KIF21A: variants seen among roughly 807,000 people sequenced by gnomAD.
KIF21A encodes the protein kinesin-like protein KIF21A.
KIF21A carries 114 observed loss-of-function variants against 202.9 expected under a neutral mutation model. That is an observed-to-expected ratio of 0.56 (90% CI 0.48 to 0.66). The LOEUF is 0.66. Ranked by LOEUF, KIF21A falls within the 30% of genes least tolerant of loss-of-function variation. The pLI, the probability that KIF21A is intolerant of heterozygous loss-of-function variation, is 0.00. For missense variants in KIF21A, 1,677 were observed against 1,994.9 expected (o/e 0.84, Z 3.04); for synonymous variants, 667 against 670.8 (o/e 0.99, Z 0.09).
chr12:39,389,496 TC>T (rs1343799715), intron 1 of KIF21A, among the ~76,000 whole-genome samples: 1 of 152,104 alleles, frequency 6.6e-6, no homozygotes, highest in Non-Finnish European at 1.5e-5. Flanking sequence ...AAATACAGGC[TC>T]CCATGCATCT....
intron 29 of KIF21A, 30 bp downstream of exon 29, chr12:39,318,043 T>C (rs772250485): frequency 6.2e-7 from 1 of 1,601,992 alleles, no homozygotes; most frequent in Non-Finnish European, 8.5e-7. Context: ...ATTATATAAA[T>C]AATTGGGGCT....
At chr12:39,416,655 A>ATGTGTATATATATATGTACATATATATG (rs1953655424) in intron 1 of KIF21A, among the ~76,000 whole-genome samples, 3 of 103,200 alleles carry the variant, frequency 2.9e-5, no homozygotes, top group East Asian at 3.0e-4. Context: ...GTACATATAT[A>ATGTGTATATATATATGTACATATATATG]TGTGTATATA....
At chr12:39,392,813 T>G (rs1951465801) in intron 1 of KIF21A, among the ~76,000 whole-genome samples, 1 of 147,716 alleles carries the variant, frequency 6.8e-6, no homozygotes, top group Non-Finnish European at 1.5e-5. Flanking sequence ...TGGGAAAATA[T>G]GTACTATTAA....
chr12:39,436,449 T>TATATATATATATATA (rs1491365902), intron 1 of KIF21A, among the ~76,000 whole-genome samples: 25 of 86,792 alleles, frequency 2.9e-4, no homozygotes, highest in African/African-American at 6.3e-4. Context: ...TATATATATA[T>TATATATATATATATA]TTTTTTTTTT....
intron 1 of KIF21A, among the ~76,000 whole-genome samples, chr12:39,418,540 T>A (rs1423142280): frequency 6.6e-6 from 1 of 152,144 alleles, no homozygotes; most frequent in Non-Finnish European, 1.5e-5. Flanking sequence ...AACATCCGAG[T>A]GTTTGGGAAA....
intron 37 of KIF21A, among the ~76,000 whole-genome samples, chr12:39,299,948 T>G (rs1942809046): frequency 6.6e-6 from 1 of 151,822 alleles, no homozygotes; most frequent in Non-Finnish European, 1.5e-5. Flanking sequence ...TGGGGCCTAT[T>G]TGAGGGTGGA....
intron 37 of KIF21A, among the ~76,000 whole-genome samples, chr12:39,299,670 T>C (rs1332014019): frequency 3.3e-5 from 5 of 152,178 alleles, no homozygotes; most frequent in Admixed American, 1.3e-4. Context: ...ATAACAGCAC[T>C]ATTCACAATA....
At chr12:39,347,250 G>T (rs891071001) in intron 11 of KIF21A, among the ~76,000 whole-genome samples, 1 of 151,342 alleles carries the variant, frequency 6.6e-6, no homozygotes, top group Non-Finnish European at 1.5e-5. Flanking sequence ...AAAAAAAGGG[G>T]GGTGGGGAGA....
intron 1 of KIF21A, among the ~76,000 whole-genome samples, chr12:39,427,108 AT>A (rs1240622444): frequency 6.6e-6 from 1 of 152,050 alleles, no homozygotes; most frequent in Non-Finnish European, 1.5e-5. Context: ...ATCATCTTGC[AT>A]TTCCCCATCA....
rs187278984 is a variant in KIF21A, at chr12:39,316,023, A to G, written c.3909-53T>C. 43 of 1,238,250 alleles carry G rather than the reference A, an allele frequency of 3.5e-5. No homozygotes were observed. The Admixed American group carries it at 5.2e-4, about 15-fold the overall frequency. The allele number at this position is 1,238,250 out of a possible 1,614,324, so 76.7% of individuals were successfully genotyped here. A position where few individuals can be genotyped will look rare whatever the true frequency, so the allele number is the denominator to read the frequency against. ...AGAAAGAATACAGATGTCAACAGGT[A>G]AGGACACTGACTTTGGACTCAAAAT... On this transcript the variant is annotated intron_variant, in intron 29 of 37. Coordinates refer to ENST00000361418, the MANE Select transcript of KIF21A (RefSeq NM_001173464.2).
rs144601000 is a variant in KIF21A at position 39,357,322 on chromosome 12, T to G, written c.1331A>C (p.Glu444Ala). Reference protein sequence around the residue: ...NLRVRIKAMQETVDALRSRIT... With the variant: ...NLRVRIKAMQATVDALRSRIT... ...TCTGGACCTCAATGCATCAACCGTC[T>G]CTTGCATGGCTTTAATTCTTACACG... The change falls in exon 9 of 38, where the codon GAG becomes GCG. Residue 444 changes from glutamate to alanine, a missense_variant. By Grantham distance (107) the Glu-to-Ala change is moderately radical (BLOSUM62 -1). Around this residue, in one of 3 missense-constraint regions of KIF21A, gnomAD observed 966 missense variants for 1,180.9 expected, o/e 0.82. Transcript: ENST00000361418. The G allele has an allele frequency of 3.1e-6, 5 of 1,613,998 alleles. No individual in the cohort carries two copies. In the African/African-American group the frequency reaches 4.0e-5, roughly 13 times the overall value.
intron 32 of KIF21A, 34 bp from the exon 33 acceptor site, chr12:39,309,800 T>C (rs769399515): frequency 1.9e-6 from 3 of 1,554,186 alleles, no homozygotes; most frequent in African/African-American, 1.4e-5. Context: ...GAAAACACCA[T>C]TAATATGAAC....
In KIF21A at chr12:39,329,488, TAAA is replaced by T. The variant is rs528439571; in HGVS notation, c.3340+751_3340+753del. ...GAAAGATGAAGAAGGGGGAGAAAGA[TAAA>T]GAAGAAGAGGAGGAGGAGAGAAAGA... On this transcript the variant is annotated intron_variant, in intron 24 of 37. Transcript: ENST00000361418. Among the ~76,000 whole-genome samples, 517 of 148,810 alleles carry T rather than the reference TAAA, an allele frequency of 3.5e-3. 4 individuals are homozygous for T. Among genetic ancestry groups the T allele is most frequent in the Non-Finnish European group, 5.3e-3 (354 of 67,134 alleles).
intron 4 of KIF21A, 79 bp downstream of exon 4, chr12:39,367,797 ATCTTGAT>A: frequency 9.7e-7 from 1 of 1,031,462 alleles, no homozygotes; most frequent in Admixed American, 1.9e-5. Flanking sequence ...TAAATTTCAT[ATCTTGAT>A]CTTAAGCAGA....
chr12:39,398,478 G>A (rs982993106), intron 1 of KIF21A, among the ~76,000 whole-genome samples: 2 of 152,132 alleles, frequency 1.3e-5, no homozygotes, highest in South Asian at 2.1e-4. Flanking sequence ...GCATGCGCCT[G>A]TAGTCCCAGC....
At chr12:39,313,415 A>G (rs1461235521) in intron 31 of KIF21A, among the ~76,000 whole-genome samples, 2 of 151,922 alleles carry the variant, frequency 1.3e-5, no homozygotes, top group Admixed American at 6.6e-5. Context: ...GTTAATGGAT[A>G]CCAATTTAAG....
intron 17 of KIF21A, among the ~76,000 whole-genome samples, chr12:39,336,708 T>C (rs1360946537): frequency 6.6e-6 from 1 of 152,170 alleles, no homozygotes; most frequent in Non-Finnish European, 1.5e-5. Context: ...TAAGGGCTGG[T>C]TGTTAACTCT....
intron 34 of KIF21A, among the ~76,000 whole-genome samples, chr12:39,305,763 G>T (rs575324506): frequency 6.6e-6 from 1 of 152,224 alleles, no homozygotes; most frequent in East Asian, 1.9e-4. Context: ...TATGTGATAG[G>T]CATAGGACTG....
At chr12:39,296,536 G>A (rs1175197345) in intron 37 of KIF21A, among the ~76,000 whole-genome samples, 1 of 152,188 alleles carries the variant, frequency 6.6e-6, no homozygotes, top group African/African-American at 2.4e-5. Context: ...GAAAAAAAAG[G>A]AGAGCACAAC....
Sources: allele counts gnomAD v4.1 joint callset (sites outside exome capture counted in the v4.1 genomes callset), GRCh38; gene constraint gnomAD v4.1.1; regional missense constraint gnomAD v4.1.1; transcripts MANE v1.5; gene names NCBI Gene and HGNC (gene_info 2026-07-23, HGNC 2026-07-21).